Variants in FNDC3B observed in about 807,000 individuals in gnomAD.
FNDC3B encodes the protein fibronectin type III domain-containing protein 3B.
Under a neutral mutation model 151.5 loss-of-function variants are expected in FNDC3B, and 12 were observed. The ratio of observed to expected loss-of-function variants is 0.08; its 90% confidence interval spans 0.05 to 0.13. The LOEUF (loss-of-function observed/expected upper bound fraction) is 0.13, where lower values mean the gene tolerates loss of function less well. Among genes scored for constraint, FNDC3B ranks in the 10% least tolerant of loss-of-function variants. The pLI, the probability that FNDC3B is intolerant of heterozygous loss-of-function variation, is 1.00. For synonymous variants in FNDC3B, 528 were observed against 549.0 expected, an observed-to-expected ratio of 0.96 and a Z score of 0.54; for missense variants, 1,214 against 1,505.3, an observed-to-expected ratio of 0.81 and a Z score of 3.20.
rs748411312 is a variant in FNDC3B, at chr3:172,310,817, A to AT, written c.1201-3dup. 2.7e-5 allele frequency: 43 copies of AT among 1,596,904 alleles called. No homozygotes were observed. Among genetic ancestry groups the AT allele is most frequent in the East Asian group, 4.5e-5 (2 of 44,750 alleles). On this transcript the variant is annotated splice_polypyrimidine_tract_variant and intron_variant, in intron 10 of 25. Coordinates refer to ENST00000415807, the MANE Select transcript of FNDC3B (RefSeq NM_022763.4). ...CAACTTTCTCTAATCTCATGTTACT[A>AT]TTTTTTTTAGGCACCAATTGACAAC...
intron 3 of FNDC3B, among the ~76,000 whole-genome samples, chr3:172,159,849 C>T (rs1200878026): frequency 6.6e-6 from 1 of 152,206 alleles, no homozygotes; most frequent in Non-Finnish European, 1.5e-5. Flanking sequence ...GTACTGAAGC[C>T]TTATATATGT....
chr3:172,187,847 TG>T (rs1471786584), intron 3 of FNDC3B, among the ~76,000 whole-genome samples: 1 of 152,176 alleles, frequency 6.6e-6, no homozygotes, highest in African/African-American at 2.4e-5. Flanking sequence ...CTCAAATGGC[TG>T]GGCTCAAGCA....
intron 3 of FNDC3B, among the ~76,000 whole-genome samples, chr3:172,187,959 TGA>T (rs1401092904): frequency 1.3e-5 from 2 of 151,864 alleles, no homozygotes; most frequent in Non-Finnish European, 2.9e-5. Context: ...GAATATACAT[TGA>T]GTTATAATTT....
chr3:172,211,889 T>G (rs1446190671), intron 3 of FNDC3B, among the ~76,000 whole-genome samples: 1 of 152,240 alleles, frequency 6.6e-6, no homozygotes, highest in Non-Finnish European at 1.5e-5. Context: ...CCCAAGAGAA[T>G]TCCAATTCTT....
At chr3:172,085,362 G>A (rs9842575) in intron 1 of FNDC3B, among the ~76,000 whole-genome samples, 88,549 of 151,922 alleles carry the variant, frequency 0.58, 26,881 homozygotes, top group East Asian at 0.78. Flanking sequence ...CTGACAACAT[G>A]GCCTGCATTC....
chr3:172,267,514 G>T (rs16845236), intron 6 of FNDC3B, among the ~76,000 whole-genome samples: 17,315 of 152,212 alleles, frequency 0.11, 1,343 homozygotes, highest in East Asian at 0.31. Context: ...TATAACAACT[G>T]TGCTGGAAAT....
At chr3:172,207,954 T>TA (rs201112529) in intron 3 of FNDC3B, among the ~76,000 whole-genome samples, 8,364 of 151,626 alleles carry the variant, frequency 0.055, 259 homozygotes, top group Middle Eastern at 0.095. Flanking sequence ...CCTCAAAAAA[T>TA]AAAAAAAAGA....
At chr3:172,216,055 C>T (rs369469612) in intron 3 of FNDC3B, among the ~76,000 whole-genome samples, 74 of 152,212 alleles carry the variant, frequency 4.9e-4, no homozygotes, top group African/African-American at 1.5e-3. Flanking sequence ...AGTCCGAGGG[C>T]GTCTCGGATG....
intron 6 of FNDC3B, among the ~76,000 whole-genome samples, chr3:172,257,973 G>C (rs758973848): frequency 1.2e-4 from 19 of 152,164 alleles, no homozygotes; most frequent in Non-Finnish European, 2.5e-4. Context: ...GAGGCATTCA[G>C]TTGGAACACT....
At chr3:172,062,617 T>A (rs1044756196) in intron 1 of FNDC3B, among the ~76,000 whole-genome samples, 1 of 152,214 alleles carries the variant, frequency 6.6e-6, no homozygotes. Context: ...GATTTTCTCT[T>A]TATCATTGTT....
intron 2 of FNDC3B, among the ~76,000 whole-genome samples, chr3:172,131,884 T>A (rs181403092): frequency 7.4e-4 from 112 of 152,232 alleles, no homozygotes; most frequent in Non-Finnish European, 1.1e-3. Context: ...GTTTTTTTTT[T>A]AATGTTTTAT....
At chr3:172,290,301 C>T (rs1439136473) in intron 7 of FNDC3B, among the ~76,000 whole-genome samples, 1 of 152,150 alleles carries the variant, frequency 6.6e-6, no homozygotes, top group African/African-American at 2.4e-5. Flanking sequence ...CTGCAAAGGT[C>T]CAAATACTTA....
intron 24 of FNDC3B, among the ~76,000 whole-genome samples, chr3:172,380,075 TC>T (rs3057951): frequency 0.59 from 85,417 of 145,076 alleles, 26,397 homozygotes; most frequent in Non-Finnish European, 0.73. Flanking sequence ...TTCTTCTTCT[TC>T]TTTTTTTTTA....
chr3:172,335,207 C>T (rs1732902312), intron 15 of FNDC3B, 125 bp downstream of exon 15: 1 of 932,312 alleles, frequency 1.1e-6, no homozygotes, highest in Non-Finnish European at 1.6e-6. Flanking sequence ...AAGTTTTCTG[C>T]ATTCGGAATA....
chr3:172,155,735 A>C (rs1031149204), intron 3 of FNDC3B, among the ~76,000 whole-genome samples: 10 of 152,240 alleles, frequency 6.6e-5, no homozygotes, highest in African/African-American at 2.4e-4. Context: ...TAAATATGTA[A>C]TAGGCCTATT....
chr3:172,287,349 G>A (rs1308208806), intron 7 of FNDC3B, among the ~76,000 whole-genome samples: 1 of 152,178 alleles, frequency 6.6e-6, no homozygotes, highest in African/African-American at 2.4e-5. Context: ...AGATACAGCG[G>A]GCGGTCGCAA....
At chr3:172,115,810 G>A (rs1576878495) in intron 2 of FNDC3B, among the ~76,000 whole-genome samples, 2 of 152,280 alleles carry the variant, frequency 1.3e-5, no homozygotes, top group East Asian at 3.9e-4. Flanking sequence ...AGTGTGTATG[G>A]TGAAGCTTAC....
In FNDC3B at chr3:172,341,141, G is replaced by T; in HGVS notation, c.1881G>T (p.Gly627=). 1 of 1,614,122 alleles carries T rather than the reference G, an allele frequency of 6.2e-7. No homozygotes were observed. The highest frequency in any genetic ancestry group is 8.5e-7 in the Non-Finnish European group (1 of 1,179,962). ...ATCAGTGGGAAGTGGCCTACAGTGG[G>T]TCGGCTACCGAATACACCTTCACCC... The part of the protein sequence containing the change: ...EANQWEVAYS[G]SATEYTFTHL... The change falls in exon 17 of 26, where the codon GGG becomes GGT. Residue 627 remains glycine, a synonymous_variant. Coordinates refer to ENST00000415807, the MANE Select transcript of FNDC3B (RefSeq NM_022763.4).
chr3:172,198,204 G>A (rs972984682), intron 3 of FNDC3B, among the ~76,000 whole-genome samples: 1 of 137,704 alleles, frequency 7.3e-6, no homozygotes, highest in African/African-American at 2.8e-5. Context: ...TCCTGAATGA[G>A]CCATTTCTCT....
Sources: allele counts gnomAD v4.1 joint callset (sites outside exome capture counted in the v4.1 genomes callset), GRCh38; gene constraint gnomAD v4.1.1; transcripts MANE v1.5; gene names NCBI Gene and HGNC (gene_info 2026-07-23, HGNC 2026-07-21).